DCDC2: variants seen among roughly 807,000 people sequenced by gnomAD.
The protein encoded by DCDC2 is doublecortin domain containing 2.
Under a neutral mutation model 50.2 loss-of-function variants are expected in DCDC2, and 40 were observed. That is an observed-to-expected ratio of 0.80 (90% confidence interval 0.62 to 1.04). DCDC2 has a LOEUF of 1.04. Ranked by LOEUF, DCDC2 falls within the 50% of genes least tolerant of loss-of-function variation. DCDC2 has a pLI of 0.00. For synonymous variants in DCDC2, 234 were observed against 210.6 expected, an observed-to-expected ratio of 1.11 and a Z score of -0.96; for missense variants, 570 against 581.9, an observed-to-expected ratio of 0.98 and a Z score of 0.21.
intron 7 of DCDC2, among the ~76,000 whole-genome samples, chr6:24,232,824 G>A (rs1762365194): frequency 1.3e-5 from 2 of 151,700 alleles, no homozygotes; most frequent in African/African-American, 4.8e-5. Flanking sequence ...ATGAATGAAT[G>A]GGGTTCTTGA....
intron 2 of DCDC2, among the ~76,000 whole-genome samples, chr6:24,352,353 C>G (rs1760389496): frequency 6.6e-6 from 1 of 152,082 alleles, no homozygotes; most frequent in South Asian, 2.1e-4. Flanking sequence ...AACAAATTCA[C>G]AACACTGCCC....
rs544253732 is a variant in DCDC2, at chr6:24,349,932, A to C, written c.348+3637T>G. 3.9e-5 allele frequency among the ~76,000 whole-genome samples: 6 copies of C among 152,148 alleles called. No homozygotes were observed. The South Asian group carries it at 1.2e-3, about 32-fold the overall frequency. On this transcript the variant is annotated intron_variant, in intron 2 of 9. Coordinates refer to ENST00000378454, the MANE Select transcript of DCDC2 (RefSeq NM_016356.5). The stretch of plus-strand genomic sequence containing the variant: ...CCCTGACTCTGAGGTGGGTGCAAAC[A>C]ACCACAGAGTCACCTTATTCCTCTT...
chr6:24,347,672 G>C (rs1760292123), intron 2 of DCDC2, among the ~76,000 whole-genome samples: 1 of 152,076 alleles, frequency 6.6e-6, no homozygotes, highest in Non-Finnish European at 1.5e-5. Context: ...GGGGGTACTG[G>C]AAACAATCCC....
chr6:24,291,828 G>A (rs548672094), intron 4 of DCDC2, among the ~76,000 whole-genome samples: 12 of 152,146 alleles, frequency 7.9e-5, no homozygotes, highest in Non-Finnish European at 1.6e-4. Context: ...TATTCATCAG[G>A]CTGGCAAGCT....
chr6:24,176,671 G>A (rs1760921276), intron 9 of DCDC2, among the ~76,000 whole-genome samples: 1 of 152,076 alleles, frequency 6.6e-6, no homozygotes. Flanking sequence ...ACAATACATT[G>A]TTATTATACG....
rs1441693089 is a variant in DCDC2, at chr6:24,357,671, G to A, written c.80C>T (p.Pro27Leu). The A allele has an allele frequency of 3.1e-6, 5 of 1,613,408 alleles. No homozygotes were observed. The highest frequency in any genetic ancestry group is 4.2e-6 in the Non-Finnish European group (5 of 1,180,030). ...KSVLVYRNGDPFYAGRRVVIH... is the reference protein window; with the variant it reads ...KSVLVYRNGDLFYAGRRVVIH... Reference sequence around the variant, plus strand: ...GACGACGCGGCGCCCCGCGTAGAAGGGGTCCCCGTTGCGGTACACAAGCAC... The same window carrying A: ...GACGACGCGGCGCCCCGCGTAGAAGAGGTCCCCGTTGCGGTACACAAGCAC... The change falls in exon 1 of 10, where the codon CCC (proline) becomes CTC (leucine). Residue 27 changes from proline (P) to leucine (L), a missense_variant. By Grantham distance (98) the Pro-to-Leu change is moderately conservative (BLOSUM62 -3). Coordinates refer to ENST00000378454, the MANE Select transcript of DCDC2 (RefSeq NM_016356.5).
chr6:24,269,637 A>G (rs1308335619), intron 7 of DCDC2, among the ~76,000 whole-genome samples: 5 of 152,186 alleles, frequency 3.3e-5, no homozygotes, highest in Admixed American at 2.0e-4. Context: ...CTAAGTCTAG[A>G]AAGTCATGAA....
intron 7 of DCDC2, among the ~76,000 whole-genome samples, chr6:24,259,481 G>A (rs1412313550): frequency 1.3e-5 from 2 of 152,056 alleles, no homozygotes; most frequent in African/African-American, 4.8e-5. Flanking sequence ...AACATTATAA[G>A]GTTAAACTAG....
intron 7 of DCDC2, among the ~76,000 whole-genome samples, chr6:24,245,289 A>G (rs1762646266): frequency 6.6e-6 from 1 of 152,182 alleles, no homozygotes. Flanking sequence ...GCTGGGAGCT[A>G]GGATTTTAAG....
At chr6:24,274,533 T>G (rs1240912213) in intron 7 of DCDC2, among the ~76,000 whole-genome samples, 1 of 146,856 alleles carries the variant, frequency 6.8e-6, no homozygotes, top group South Asian at 2.1e-4. Flanking sequence ...AAATGAGATT[T>G]GTTTCCCTGA....
intron 8 of DCDC2, among the ~76,000 whole-genome samples, chr6:24,191,728 GT>G (rs1378256839): frequency 6.6e-6 from 1 of 152,192 alleles, no homozygotes; most frequent in African/African-American, 2.4e-5. Flanking sequence ...ATAAATGGGA[GT>G]TTTTTCTTAG....
intron 2 of DCDC2, among the ~76,000 whole-genome samples, chr6:24,344,259 G>A (rs1760213618): frequency 6.6e-6 from 1 of 152,088 alleles, no homozygotes; most frequent in African/African-American, 2.4e-5. Context: ...ACACAGATGA[G>A]CCTGGAGAAC....
At chr6:24,188,606 T>C (rs944581152) in intron 8 of DCDC2, among the ~76,000 whole-genome samples, 5 of 152,224 alleles carry the variant, frequency 3.3e-5, no homozygotes, top group Non-Finnish European at 7.3e-5. Flanking sequence ...ACGTCAATTT[T>C]CAGTCAATTT....
chr6:24,350,510 TG>T (rs1371606885), intron 2 of DCDC2, among the ~76,000 whole-genome samples: 1 of 152,176 alleles, frequency 6.6e-6, no homozygotes, highest in Non-Finnish European at 1.5e-5. Context: ...TTGTGTATAC[TG>T]GGGTGGTGGC....
intron 9 of DCDC2, among the ~76,000 whole-genome samples, chr6:24,177,937 G>A (rs1760961333): frequency 6.6e-6 from 1 of 152,084 alleles, no homozygotes; most frequent in Non-Finnish European, 1.5e-5. Context: ...TCATGTCTAG[G>A]TCTCACTGGT....
intron 7 of DCDC2, among the ~76,000 whole-genome samples, chr6:24,239,460 C>A (rs143979744): frequency 1.3e-5 from 2 of 152,126 alleles, no homozygotes; most frequent in Non-Finnish European, 2.9e-5. Flanking sequence ...GATAGTTGAC[C>A]GGCTCAAAGC....
Position 24,262,557 on chromosome 6 carries a change from C to T in DCDC2, c.922+15492G>A, listed in dbSNP as rs1034607312. Reference sequence around the variant, plus strand: ...CTAAGGGAGTGCTTGTGCCACCCCTCCCCCAACCCCAAGCAGTACAGCTCG... The same window carrying T: ...CTAAGGGAGTGCTTGTGCCACCCCTTCCCCAACCCCAAGCAGTACAGCTCG... On this transcript the variant is annotated intron_variant, in intron 7 of 9. Coordinates refer to ENST00000378454, the MANE Select transcript of DCDC2 (RefSeq NM_016356.5). Among the ~76,000 whole-genome samples, 6 of 152,164 alleles carry T rather than the reference C, an allele frequency of 3.9e-5. No individual in the cohort carries two copies. The East Asian group carries it at 1.2e-3, about 29-fold the overall frequency.
At chr6:24,252,484 T>C (rs1253721215) in intron 7 of DCDC2, among the ~76,000 whole-genome samples, 1 of 152,130 alleles carries the variant, frequency 6.6e-6, no homozygotes, top group Non-Finnish European at 1.5e-5. Context: ...AAAAGGGCGA[T>C]GATTGAAACC....
intron 7 of DCDC2, among the ~76,000 whole-genome samples, chr6:24,230,343 T>C: frequency 6.6e-6 from 1 of 152,106 alleles, no homozygotes; most frequent in South Asian, 2.1e-4. Context: ...ACAACAACCC[T>C]TAAATAAAGA....
Sources: gnomAD v4.1 joint callset for allele counts (sites outside exome capture counted in the v4.1 genomes callset) on GRCh38, gnomAD v4.1.1 for gene constraint, MANE v1.5 for transcripts, NCBI Gene and HGNC (gene_info 2026-07-23, HGNC 2026-07-21) for gene names.